The following MAPK10 variants were observed in gnomAD, a reference collection of about 807,000 sequenced individuals.
MAPK10 encodes the protein JNK3 alpha protein kinase.
Under a neutral mutation model 59.3 loss-of-function variants are expected in MAPK10, and 25 were observed. The ratio of observed to expected loss-of-function variants is 0.42; its 90% CI spans 0.31 to 0.59. The LOEUF (loss-of-function observed/expected upper bound fraction) is 0.59. Ranked by LOEUF, MAPK10 falls within the 20% of genes least tolerant of loss-of-function variation. The pLI is 0.15. For missense variants in MAPK10, 351 were observed against 568.9 expected (o/e 0.62, Z 3.90); for synonymous variants, 190 against 200.5 (o/e 0.95, Z 0.44).
chr4:86,488,089 G>A (rs550458809), intron 1 of MAPK10, among the ~76,000 whole-genome samples: 2 of 152,134 alleles, frequency 1.3e-5, no homozygotes, highest in Non-Finnish European at 2.9e-5. Flanking sequence ...AGCTCCACTT[G>A]CCGTCTTAAT....
chr4:86,464,526 G>C (rs1752020659), intron 1 of MAPK10, among the ~76,000 whole-genome samples: 1 of 152,210 alleles, frequency 6.6e-6, no homozygotes, highest in Non-Finnish European at 1.5e-5. Context: ...GTTAAGAGTA[G>C]AATGCACCCT....
At chr4:86,137,057 G>T (rs1248921590) in intron 4 of MAPK10, among the ~76,000 whole-genome samples, 2 of 151,236 alleles carry the variant, frequency 1.3e-5, no homozygotes. Context: ...GACCTACAAA[G>T]AGACTTAGAC....
At chr4:86,323,546 T>A (rs1578246793) in intron 2 of MAPK10, among the ~76,000 whole-genome samples, 1 of 152,176 alleles carries the variant, frequency 6.6e-6, no homozygotes, top group East Asian at 1.9e-4. Flanking sequence ...ACCGAGTCTA[T>A]CAGATTCAAA....
At chr4:86,078,553 G>T (rs2049977929) in intron 9 of MAPK10, among the ~76,000 whole-genome samples, 2 of 150,356 alleles carry the variant, frequency 1.3e-5, no homozygotes, top group Admixed American at 1.3e-4. Flanking sequence ...GTTGTTAAAA[G>T]AATTTTTTTC....
chr4:86,497,839 C>A (rs1283633497), intron 1 of MAPK10, among the ~76,000 whole-genome samples: 7 of 152,214 alleles, frequency 4.6e-5, no homozygotes, highest in Non-Finnish European at 1.0e-4. Context: ...GCCTAGAGCA[C>A]CCCACTCTGG....
At chr4:86,394,985 T>C (rs1413120250) in intron 1 of MAPK10, among the ~76,000 whole-genome samples, 1 of 152,196 alleles carries the variant, frequency 6.6e-6, no homozygotes, top group Non-Finnish European at 1.5e-5. Context: ...TGGGGAAACG[T>C]TGCTCTCCAA....
chr4:86,441,172 T>C (rs889298351), intron 1 of MAPK10, among the ~76,000 whole-genome samples: 1 of 152,190 alleles, frequency 6.6e-6, no homozygotes, highest in Non-Finnish European at 1.5e-5. Context: ...ATGGGATGTA[T>C]TTTCATGTGC....
chr4:86,454,214 A>C (rs1751033515), upstream of MAPK10, among the ~76,000 whole-genome samples: 1 of 152,164 alleles, frequency 6.6e-6, no homozygotes, highest in African/African-American at 2.4e-5. Flanking sequence ...GTTCTTTAAC[A>C]TCCCCCCAAA....
At chr4:86,372,567 A>G (rs1327093220) in intron 1 of MAPK10, among the ~76,000 whole-genome samples, 3 of 132,930 alleles carry the variant, frequency 2.3e-5, no homozygotes, top group East Asian at 2.3e-4. Context: ...AAAGAAAGAA[A>G]GAAAAGAAAA....
intron 5 of MAPK10, among the ~76,000 whole-genome samples, chr4:86,106,591 G>A (rs2056583941): frequency 6.6e-6 from 1 of 151,758 alleles, no homozygotes; most frequent in African/African-American, 2.4e-5. Context: ...GATTGAAGGA[G>A]CTTAGATTCT....
At chr4:86,557,816 GA>G (rs1760384068) in intron 1 of MAPK10, among the ~76,000 whole-genome samples, 1 of 152,002 alleles carries the variant, frequency 6.6e-6, no homozygotes. Flanking sequence ...TCATATTTCT[GA>G]AAATGAAATT....
chr4:86,127,389 G>A (rs1001725131), intron 4 of MAPK10, among the ~76,000 whole-genome samples: 2 of 151,960 alleles, frequency 1.3e-5, no homozygotes, highest in Non-Finnish European at 2.9e-5. Context: ...CACCAGAGGA[G>A]AGTGAATATA....
At chr4:86,401,770 T>C (rs960483124) in intron 1 of MAPK10, among the ~76,000 whole-genome samples, 7 of 152,216 alleles carry the variant, frequency 4.6e-5, no homozygotes, top group Admixed American at 6.5e-5. Context: ...GTAAATTATT[T>C]ATGTAACAGT....
chr4:86,017,046 A>C lies in MAPK10; in HGVS notation c.*182T>G, dbSNP rs1307479499. 1 of 617,776 alleles carries C rather than the reference A, an allele frequency of 1.6e-6. No individual in the cohort carries two copies. The highest frequency in any genetic ancestry group is 2.7e-6 in the Non-Finnish European group (1 of 367,790). The allele number at this position is 617,776 out of a possible 1,614,324, so 38.3% of individuals were successfully genotyped here. A position where few individuals can be genotyped will look rare whatever the true frequency, so the allele number is the denominator to read the frequency against. On this transcript the variant is annotated 3_prime_UTR_variant, in exon 14 of 14. Transcript: ENST00000641462. The surrounding 1 kb of genome is among the most constrained non-coding windows in gnomAD (Gnocchi z 4.4). ...TAAATATACATTTGAGCTTAGCTGCAATACAGAACCCTGGGGAAGAAGCAG... is the reference window on the plus strand; with the variant it reads ...TAAATATACATTTGAGCTTAGCTGCCATACAGAACCCTGGGGAAGAAGCAG...
At chr4:86,060,245 T>G (rs2148978413) in intron 11 of MAPK10, among the ~76,000 whole-genome samples, 1 of 152,234 alleles carries the variant, frequency 6.6e-6, no homozygotes, top group South Asian at 2.1e-4. Flanking sequence ...TTTATTTGAG[T>G]TTTGATGTAC....
At chr4:86,561,476 C>A (rs1760675072) in intron 1 of MAPK10, among the ~76,000 whole-genome samples, 1 of 152,198 alleles carries the variant, frequency 6.6e-6, no homozygotes, top group Admixed American at 6.5e-5. Flanking sequence ...GAGAGCAATT[C>A]TCCAAAACCT....
chr4:86,038,226 T>TCCTA (rs1466836116), intron 11 of MAPK10, among the ~76,000 whole-genome samples: 2 of 152,204 alleles, frequency 1.3e-5, no homozygotes, highest in African/African-American at 4.8e-5. Flanking sequence ...GTCTGCTTTG[T>TCCTA]CCTAATTAAG....
At chr4:86,238,023 A>C (rs1456761257) in intron 2 of MAPK10, among the ~76,000 whole-genome samples, 1 of 152,180 alleles carries the variant, frequency 6.6e-6, no homozygotes, top group Non-Finnish European at 1.5e-5. Flanking sequence ...ATTTTTGTAT[A>C]AAGTGTAAGG....
intron 1 of MAPK10, among the ~76,000 whole-genome samples, chr4:86,359,295 T>C (rs1404889325): frequency 7.9e-5 from 11 of 138,440 alleles, no homozygotes; most frequent in Admixed American, 7.2e-4. Context: ...TCTCTGTGTG[T>C]GTGTGTGTGT....
Sources: allele counts gnomAD v4.1 joint callset (sites outside exome capture counted in the v4.1 genomes callset), GRCh38; gene constraint gnomAD v4.1.1; non-coding constraint Gnocchi (gnomAD v3.1); transcripts MANE v1.5; gene names NCBI Gene and HGNC (gene_info 2026-07-23, HGNC 2026-07-21).